EGF: variants seen among roughly 807,000 people sequenced by gnomAD.
The protein encoded by EGF is pro-epidermal growth factor.
EGF carries 95 observed loss-of-function variants against 143.8 expected under a neutral mutation model. That is an observed-to-expected ratio of 0.66 (90% CI 0.56 to 0.78). The LOEUF (loss-of-function observed/expected upper bound fraction) is 0.78, where lower values mean the gene tolerates loss of function less well. Ranked by LOEUF, EGF falls within the 30% of genes least tolerant of loss-of-function variation. The probability of loss-of-function intolerance (pLI) is 0.00; values close to 1 mark genes in which losing one functional copy is unlikely to be tolerated. For missense variants in EGF, 1,320 were observed against 1,470.9 expected, an observed-to-expected ratio of 0.90 and a Z score of 1.68; for synonymous variants, 510 against 510.5, an observed-to-expected ratio of 1.00 and a Z score of 0.01.
chr4:109,987,754 C>G lies in EGF; in HGVS notation c.2502C>G (p.Asp834Glu). ...TCTTGCTATTTGTAGATCAAGATGA[C>G]TGTGCTCCTGTGGGATGCAGCATGT... ...VAEIMVSDQD[D>E]CAPVGCSMYA... is the part of the protein sequence containing the mutation. The change falls in exon 17 of 24, where the codon GAC becomes GAG. Residue 834 changes from aspartate to glutamate, a missense_variant. Physicochemically the swap from Asp to Glu is conservative, Grantham distance 45 (BLOSUM62 2). Around this residue, in one of 5 missense-constraint regions of EGF, gnomAD observed 1,186 missense variants for 1,313.7 expected, o/e 0.90. Coordinates refer to ENST00000265171, the MANE Select transcript of EGF (RefSeq NM_001963.6). The G allele has an allele frequency of 6.2e-7, 1 of 1,613,388 alleles. No individual in the cohort carries two copies. Among genetic ancestry groups the G allele is most frequent in the Non-Finnish European group, 8.5e-7 (1 of 1,179,418 alleles).
chr4:109,974,905 T>G, intron 12 of EGF, 98 bp downstream of exon 12: 1 of 860,156 alleles, frequency 1.2e-6, no homozygotes, highest in South Asian at 1.5e-5. Context: ...AGAAAATCCA[T>G]GCAATTTGTT....
intron 7 of EGF, 61 bp from the exon 8 acceptor site, chr4:109,961,802 T>G: frequency 6.2e-7 from 1 of 1,605,406 alleles, no homozygotes; most frequent in Non-Finnish European, 8.5e-7. Flanking sequence ...AGCAACTGAT[T>G]GCAATAAATT....
At position 109,963,201 on chromosome 4, in the gene EGF, T is replaced by C. The variant is rs745921822; in HGVS notation, c.1341T>C (p.Cys447=). 2 of 1,613,984 alleles carry C rather than the reference T, an allele frequency of 1.2e-6. No individual in the cohort carries two copies. The highest frequency in any genetic ancestry group is 1.7e-6 in the Non-Finnish European group (2 of 1,179,962). The change falls in exon 9 of 24, where the codon TGT becomes TGC. Residue 447 remains cysteine (C), a synonymous_variant. Transcript: ENST00000265171. ...SGCSSPDNGG[C]SQLCVPLSPV... ...GTTCCTCACCCGATAATGGTGGATG[T>C]AGCCAGCTCTGCGTTCCTCTTAGCC... is the stretch of plus-strand genomic sequence containing the variant.
At chr4:109,947,274 T>C (rs916230699) in intron 5 of EGF, among the ~76,000 whole-genome samples, 1 of 152,188 alleles carries the variant, frequency 6.6e-6, no homozygotes, top group African/African-American at 2.4e-5. Context: ...CACCTTTATG[T>C]AAAAGTTTTA....
intron 1 of EGF, among the ~76,000 whole-genome samples, chr4:109,914,929 T>C (rs1269366227): frequency 6.6e-6 from 1 of 152,112 alleles, no homozygotes; most frequent in African/African-American, 2.4e-5. Flanking sequence ...TGAGGGGTGA[T>C]GGTTGGGCCG....
In EGF at chr4:109,940,964, T is replaced by C. The variant is rs777246724; in HGVS notation, c.146T>C (p.Ile49Thr). 2 of 1,614,082 alleles carry C rather than the reference T, an allele frequency of 1.2e-6. No individual in the cohort carries two copies. The highest frequency in any genetic ancestry group is 1.7e-6 in the Non-Finnish European group (2 of 1,179,966). ...CACCCAGGTCCTGCACCCTTCTTAA[T>C]TTTCTCCCATGGAAATAGTATCTTT... ...STCVGPAPFLIFSHGNSIFRI... is the reference protein window; with the variant it reads ...STCVGPAPFLTFSHGNSIFRI... Residue 49 changes from isoleucine to threonine, a missense_variant, in exon 2 of 24, where the codon ATT (isoleucine) becomes ACT (threonine). This residue lies in a region of EGF where 79 missense variants were observed against 71.2 expected (regional missense o/e 1.11). Coordinates refer to ENST00000265171, the MANE Select transcript of EGF (RefSeq NM_001963.6).
chr4:109,926,332 A>G (rs1190785550), intron 1 of EGF, among the ~76,000 whole-genome samples: 1 of 150,528 alleles, frequency 6.6e-6, no homozygotes, highest in Admixed American at 6.6e-5. Flanking sequence ...CAGCCTGGGC[A>G]ACAGAGTGAG....
Position 109,992,138 on chromosome 4 carries a change from T to A in EGF, c.2735-1109T>A, listed in dbSNP as rs1298578014. Among the ~76,000 whole-genome samples, 12 of 129,586 alleles carry A rather than the reference T, an allele frequency of 9.3e-5. No homozygotes were observed. The Admixed American group carries it at 9.6e-4, about 10-fold the overall frequency. The allele number at this position is 129,586 out of a possible 152,430, so 85.0% of individuals were successfully genotyped here. A position where few individuals can be genotyped will look rare whatever the true frequency, so the allele number is the denominator to read the frequency against. On this transcript the variant is annotated intron_variant, in intron 18 of 23. Transcript: ENST00000265171. ...ACAATGAGCCATGATCACACCACTG[T>A]ACCTCATCCTTAGCAACCAAGCAAG...
At position 110,007,482 on chromosome 4, in the gene EGF, A is replaced by G. The variant is rs542827444; in HGVS notation, c.3292-670A>G. The stretch of plus-strand genomic sequence containing the variant: ...ATGGATCTGTTTTAATATCTAATCT[A>G]TCTAGAGTGAATGTGAGCCAGTGAA... On this transcript the variant is annotated intron_variant, in intron 22 of 23. Transcript: ENST00000265171. Among the ~76,000 whole-genome samples the G allele has an allele frequency of 6.5e-4, 99 of 152,324 alleles. 1 individual carries two copies. The South Asian group carries it at 0.019, about 29-fold the overall frequency.
Position 109,944,414 on chromosome 4 carries a change from G to C in EGF, c.737+345G>C, listed in dbSNP as rs11568910. ...ATATCGTGCCACTGCACTCCAGCCT[G>C]GGCGACAGAGCGAGACTCCGTCTCA... On this transcript the variant is annotated intron_variant, in intron 4 of 23. Coordinates refer to ENST00000265171, the MANE Select transcript of EGF (RefSeq NM_001963.6). 0.013 allele frequency among the ~76,000 whole-genome samples: 1,973 copies of C among 152,298 alleles called. 205 individuals carry two copies. In the East Asian group the frequency reaches 0.23, roughly 18 times the overall value.
chr4:109,963,433 A>G (rs1746036029), intron 9 of EGF, 135 bp downstream of exon 9: 1 of 1,063,138 alleles, frequency 9.4e-7, no homozygotes, highest in Non-Finnish European at 1.4e-6. Flanking sequence ...CATTGTAAAT[A>G]TGAATAATAT....
rs142198895 is a variant in EGF, at chr4:109,960,989, C to T, written c.1189C>T (p.Gln397Ter). 1.7e-5 allele frequency: 28 copies of T among 1,613,578 alleles called. No homozygotes were observed. The highest frequency in any genetic ancestry group is 1.6e-4 in the Middle Eastern group (1 of 6,080). ...VLLPDGKRCH[Q>*]LVSCPRNVSE... ...GCTTCCTGATGGGAAACGATGTCAT[C>T]GTAAGTTATAGCAACAAGTATTTAT... Residue 397 changes from glutamine to a stop codon, truncating the protein, a stop_gained and splice_region_variant, in exon 7 of 24, where the codon CAA becomes TAA. Transcript: ENST00000265171. LOFTEE classifies it high-confidence loss of function.
intron 22 of EGF, among the ~76,000 whole-genome samples, chr4:110,006,063 G>A (rs1181709392): frequency 6.6e-6 from 1 of 152,106 alleles, no homozygotes; most frequent in African/African-American, 2.4e-5. Flanking sequence ...AATAGAGGCT[G>A]GGCAAGTTTG....
intron 20 of EGF, among the ~76,000 whole-genome samples, chr4:109,998,251 T>C (rs953229260): frequency 6.6e-6 from 1 of 152,212 alleles, no homozygotes; most frequent in African/African-American, 2.4e-5. Context: ...TAACCAAAGA[T>C]AGCTAGAATT....
chr4:109,947,619 A>G (rs1231796683), intron 5 of EGF, among the ~76,000 whole-genome samples: 3 of 152,208 alleles, frequency 2.0e-5, no homozygotes, highest in Admixed American at 6.5e-5. Flanking sequence ...CATACCTTCC[A>G]TGGGAAATTT....
Position 110,011,648 on chromosome 4 carries a change from T to G in EGF, c.*193T>G. On this transcript the variant is annotated 3_prime_UTR_variant, in exon 24 of 24. Coordinates refer to ENST00000265171, the MANE Select transcript of EGF (RefSeq NM_001963.6). ...TAAGCAGTCTCACTGCAGTCTTATTTCCAAGTAAGAGTACTGGGAGAATCA... is the reference window on the plus strand; with the variant it reads ...TAAGCAGTCTCACTGCAGTCTTATTGCCAAGTAAGAGTACTGGGAGAATCA... The G allele has an allele frequency of 1.2e-6, 1 of 831,684 alleles. No homozygotes were observed. Among genetic ancestry groups the G allele is most frequent in the Non-Finnish European group, 1.8e-6 (1 of 545,482 alleles). 51.5% of individuals were successfully genotyped at this position (831,684 alleles called of 1,614,324 possible).
At chr4:109,932,324 C>CT (rs67237211) in intron 1 of EGF, among the ~76,000 whole-genome samples, 29,393 of 106,152 alleles carry the variant, frequency 0.28, 3,989 homozygotes, top group Middle Eastern at 0.31. Flanking sequence ...TTTTCTTTCT[C>CT]TTTTTTTTTT....
chr4:110,006,028 G>A (rs1414967268), intron 22 of EGF, among the ~76,000 whole-genome samples: 1 of 148,412 alleles, frequency 6.7e-6, no homozygotes, highest in Non-Finnish European at 1.5e-5. Flanking sequence ...TTATTTTTTG[G>A]TTGGACTCAA....
intron 1 of EGF, among the ~76,000 whole-genome samples, chr4:109,929,918 T>C (rs1012457747): frequency 2.0e-5 from 3 of 152,172 alleles, no homozygotes; most frequent in Non-Finnish European, 4.4e-5. Context: ...TGAATTGTAA[T>C]CCCCAGGTGT....
Sources: allele counts gnomAD v4.1 joint callset (sites outside exome capture counted in the v4.1 genomes callset), GRCh38; gene constraint gnomAD v4.1.1; regional missense constraint gnomAD v4.1.1; transcripts MANE v1.5; gene names NCBI Gene and HGNC (gene_info 2026-07-23, HGNC 2026-07-21).